Variants in KAZN observed in about 807,000 individuals in gnomAD.
KAZN encodes the protein kazrin.
Under a neutral mutation model 87.4 loss-of-function variants are expected in KAZN, and 40 were observed. The observed-to-expected ratio is 0.46, with a 90% CI of 0.36 to 0.60. The LOEUF (loss-of-function observed/expected upper bound fraction) is 0.60, where lower values mean the gene tolerates loss of function less well. Ranked by LOEUF, KAZN falls within the 20% of genes least tolerant of loss-of-function variation. The pLI, the probability that KAZN is intolerant of heterozygous loss-of-function variation, is 0.00. For synonymous variants in KAZN, 466 were observed against 458.3 expected (o/e 1.02, Z -0.22); for missense variants, 898 against 1,073.9 (o/e 0.84, Z 2.29).
At chr1:14,258,257 C>T (rs1379901006) in intron 2 of KAZN, among the ~76,000 whole-genome samples, 1 of 147,870 alleles carries the variant, frequency 6.8e-6, no homozygotes, top group Non-Finnish European at 1.5e-5. Context: ...TCTCTTTGAC[C>T]CAGGCTGGAG....
Position 14,410,865 on chromosome 1 carries a change from G to A in KAZN, c.250-188118G>A, listed in dbSNP as rs917641983. On this transcript the variant is annotated intron_variant, in intron 2 of 16. Transcript: ENST00000636203. ...GGATTCTCCTCCAGAGCCTCCGGAG[G>A]GAGCACATGGCCCTGCCAACATCTT... 3.3e-5 allele frequency among the ~76,000 whole-genome samples: 5 copies of A among 152,170 alleles called. No individual in the cohort carries two copies. The East Asian group carries it at 9.6e-4, about 29-fold the overall frequency.
chr1:14,068,194 T>C (rs987569003), intron 1 of KAZN, among the ~76,000 whole-genome samples: 1 of 152,184 alleles, frequency 6.6e-6, no homozygotes. Context: ...TACTGCAAAG[T>C]AGACTTCTGA....
At chr1:13,958,069 A>G (rs1037277176) in intron 1 of KAZN, among the ~76,000 whole-genome samples, 9 of 152,202 alleles carry the variant, frequency 5.9e-5, no homozygotes, top group African/African-American at 2.2e-4. Context: ...TCGTTCATTC[A>G]TATATTTATT....
At chr1:14,222,358 C>G (rs577652310) in intron 2 of KAZN, among the ~76,000 whole-genome samples, 1 of 152,310 alleles carries the variant, frequency 6.6e-6, no homozygotes, top group East Asian at 1.9e-4. Flanking sequence ...CCTCTTTCCA[C>G]TCTCCCCTCT....
chr1:14,404,026 T>C (rs578177308), intron 2 of KAZN, among the ~76,000 whole-genome samples: 24 of 152,244 alleles, frequency 1.6e-4, no homozygotes, highest in African/African-American at 4.8e-4. Context: ...CTGATTGACA[T>C]AGGGCACAAA....
intron 2 of KAZN, among the ~76,000 whole-genome samples, chr1:14,593,093 C>A (rs1676298667): frequency 1.3e-5 from 2 of 152,202 alleles, no homozygotes; most frequent in Non-Finnish European, 2.9e-5. Flanking sequence ...ACTTCAGTGT[C>A]TTCATCTGCC....
upstream of KAZN, among the ~76,000 whole-genome samples, chr1:14,598,201 AGAGT>A (rs933141910): frequency 2.6e-4 from 39 of 152,178 alleles, no homozygotes; most frequent in African/African-American, 8.7e-4. This position sits in a 1 kb window ranked among gnomAD's most constrained non-coding sequence, Gnocchi z 4.2. Flanking sequence ...TGGGGGGTGG[AGAGT>A]GAGAGGCACG....
intron 1 of KAZN, among the ~76,000 whole-genome samples, chr1:14,758,118 TG>T (rs1644623849): frequency 9.9e-6 from 1 of 100,794 alleles, no homozygotes; most frequent in Non-Finnish European, 2.1e-5. Flanking sequence ...TGTTTTGTTT[TG>T]TTTTTTCTCT....
At position 14,232,378 on chromosome 1, in the gene KAZN, T is replaced by C. The variant is rs138931525; in HGVS notation, c.249+51786T>C. On this transcript the variant is annotated intron_variant, in intron 2 of 16. Coordinates refer to the KAZN transcript ENST00000636203. ...GTAAATTATCCTCTCATTCCTTAGG[T>C]TTTAGACTCTTGCCAAAGCATGTAG... 2.2e-3 allele frequency among the ~76,000 whole-genome samples: 333 copies of C among 152,256 alleles called. 1 individual carries two copies. The highest frequency in any genetic ancestry group is 3.5e-3 in the Non-Finnish European group (237 of 68,016).
chr1:14,094,411 G>C (rs1236452304), intron 1 of KAZN, among the ~76,000 whole-genome samples: 2 of 152,072 alleles, frequency 1.3e-5, no homozygotes, highest in Admixed American at 6.6e-5. Context: ...CAAGGACAAG[G>C]TTTTTCACTA....
Position 14,727,450 on chromosome 1 carries a change from C to CTTTTTT in KAZN, c.226+128268_226+128273dup, listed in dbSNP as rs57203868. On this transcript the variant is annotated intron_variant, in intron 1 of 14. Transcript: ENST00000376030. ...GTCCATCACATTTATTGTGCACTTTCTTTTTTTTTTTTTTTTTTTTTTTTT... is the reference window on the plus strand; with the variant it reads ...GTCCATCACATTTATTGTGCACTTTCTTTTTTTTTTTTTTTTTTTTTTTTTTTTTTT... 3.9e-4 allele frequency among the ~76,000 whole-genome samples: 29 copies of CTTTTTT among 73,896 alleles called. 1 individual carries two copies. Among genetic ancestry groups the CTTTTTT allele is most frequent in the Non-Finnish European group, 6.4e-4 (25 of 38,982 alleles). The allele number at this position is 73,896 out of a possible 152,430, so 48.5% of individuals were successfully genotyped here. A position where few individuals can be genotyped will look rare whatever the true frequency, so the allele number is the denominator to read the frequency against.
chr1:14,558,402 T>C (rs960311307), intron 2 of KAZN, among the ~76,000 whole-genome samples: 5 of 152,220 alleles, frequency 3.3e-5, no homozygotes, highest in African/African-American at 1.2e-4. Context: ...TTTTTACTGC[T>C]TGTCACTCAT....
At chr1:14,619,824 A>G (rs567462797) in intron 1 of KAZN, among the ~76,000 whole-genome samples, 12 of 152,342 alleles carry the variant, frequency 7.9e-5, no homozygotes, top group East Asian at 1.9e-4. Context: ...TTCACTTAGC[A>G]TGATGATTTT....
At chr1:14,954,707 A>G (rs1343964378) in intron 1 of KAZN, among the ~76,000 whole-genome samples, 1 of 152,212 alleles carries the variant, frequency 6.6e-6, no homozygotes, top group Non-Finnish European at 1.5e-5. Context: ...CTGTAATCCC[A>G]GCACTTTGGG....
intron 2 of KAZN, among the ~76,000 whole-genome samples, chr1:14,312,300 G>T (rs1655359010): frequency 6.6e-6 from 1 of 152,096 alleles, no homozygotes; most frequent in African/African-American, 2.4e-5. Context: ...ATTACTTTGG[G>T]AATATCTTTT....
chr1:14,334,952 G>GT (rs1657126952), intron 2 of KAZN, among the ~76,000 whole-genome samples: 1 of 152,158 alleles, frequency 6.6e-6, no homozygotes, highest in South Asian at 2.1e-4. Context: ...GAGACAGAGA[G>GT]TGAGAGAGTG....
chr1:14,662,964 C>CACAT (rs368049334), intron 1 of KAZN, among the ~76,000 whole-genome samples: 43 of 127,962 alleles, frequency 3.4e-4, no homozygotes, highest in African/African-American at 1.3e-3. Flanking sequence ...TATATGCACA[C>CACAT]ATATATATAT....
In KAZN at chr1:14,195,511, T is replaced by TCACACACACA. The variant is rs55792359; in HGVS notation, c.249+14942_249+14951dup. The stretch of plus-strand genomic sequence containing the variant: ...CAGGGATTCCAATTACAAAAACGGC[T>TCACACACACA]CACACACACACACACACACACACAC... On this transcript the variant is annotated intron_variant, in intron 2 of 16. Transcript: ENST00000636203. Among the ~76,000 whole-genome samples, 738 of 146,174 alleles carry TCACACACACA rather than the reference T, an allele frequency of 5.0e-3. 1 individual carries two copies. The highest frequency in any genetic ancestry group is 0.01 in the Middle Eastern group (3 of 292).
intron 1 of KAZN, among the ~76,000 whole-genome samples, chr1:14,910,850 T>A (rs1419425969): frequency 6.6e-6 from 1 of 152,120 alleles, no homozygotes; most frequent in African/African-American, 2.4e-5. Flanking sequence ...TAAGTGAAAT[T>A]TTCTGATTCT....
Sources: gnomAD v4.1 joint callset for allele counts (sites outside exome capture counted in the v4.1 genomes callset) on GRCh38, gnomAD v4.1.1 for gene constraint, Gnocchi (gnomAD v3.1) non-coding constraint, MANE v1.5 for transcripts, NCBI Gene and HGNC (gene_info 2026-07-23, HGNC 2026-07-21) for gene names.